DGKH: variants seen among roughly 807,000 people sequenced by gnomAD.
The protein encoded by DGKH is DAG kinase eta.
Under a neutral mutation model 159.3 loss-of-function variants are expected in DGKH, and 90 were observed. The ratio of observed to expected loss-of-function variants is 0.57; its 90% CI spans 0.48 to 0.67. The LOEUF is 0.67. Among genes scored for constraint, DGKH ranks in the 30% least tolerant of loss-of-function variants. The probability of loss-of-function intolerance (pLI) is 0.00; values close to 1 mark genes in which losing one functional copy is unlikely to be tolerated. For missense variants in DGKH, 1,181 were observed against 1,506.1 expected (o/e 0.78, Z 3.57); for synonymous variants, 536 against 553.8 (o/e 0.97, Z 0.45).
chr13:42,085,529 C>T (rs1276464692), intron 1 of DGKH, among the ~76,000 whole-genome samples: 1 of 149,936 alleles, frequency 6.7e-6, no homozygotes, highest in East Asian at 2.0e-4. Flanking sequence ...ATATGGCAGA[C>T]CTACACTGTG....
chr13:42,081,820 T>C (rs769088682), intron 1 of DGKH, among the ~76,000 whole-genome samples: 17 of 152,190 alleles, frequency 1.1e-4, no homozygotes, highest in Non-Finnish European at 1.8e-4. Context: ...CTGCTTCCTT[T>C]CCGTGAAGAA....
intron 7 of DGKH, among the ~76,000 whole-genome samples, chr13:42,163,806 G>A (rs988397615): frequency 9.2e-5 from 14 of 151,618 alleles, no homozygotes; most frequent in African/African-American, 3.4e-4. Context: ...CTCCCATTTT[G>A]TAGGTTGCCT....
intron 1 of DGKH, among the ~76,000 whole-genome samples, chr13:42,099,415 A>G (rs570087398): frequency 1.3e-5 from 2 of 152,044 alleles, no homozygotes; most frequent in African/African-American, 4.8e-5. Flanking sequence ...AAATTTCCGG[A>G]AAAATGTGGG....
chr13:42,124,930 C>G (rs767526945), intron 1 of DGKH, among the ~76,000 whole-genome samples: 3 of 152,130 alleles, frequency 2.0e-5, no homozygotes, highest in Non-Finnish European at 2.9e-5. Flanking sequence ...CTCACTGCTT[C>G]CTCTCAGGAG....
intron 29 of DGKH, among the ~76,000 whole-genome samples, chr13:42,226,268 A>G (rs1958130329): frequency 6.6e-6 from 1 of 152,210 alleles, no homozygotes; most frequent in Non-Finnish European, 1.5e-5. Context: ...ACTAGTCAGA[A>G]CGGCAATTGT....
intron 26 of DGKH, among the ~76,000 whole-genome samples, chr13:42,215,907 C>G (rs347404): frequency 0.018 from 2,786 of 152,302 alleles, 84 homozygotes; most frequent in African/African-American, 0.064. Context: ...TGTTTTTAGG[C>G]AGCCCTGCTC....
At chr13:42,174,267 T>TG in intron 12 of DGKH, 123 bp downstream of exon 12, 1 of 810,890 alleles carries the variant, frequency 1.2e-6, no homozygotes, top group South Asian at 1.8e-5. Context: ...ATTTTATTTT[T>TG]GGGGTATGGT....
At chr13:42,202,138 G>A (rs1957362067) in intron 20 of DGKH, among the ~76,000 whole-genome samples, 1 of 152,016 alleles carries the variant, frequency 6.6e-6, no homozygotes, top group Admixed American at 6.6e-5. Context: ...AAAATAAAAT[G>A]AGTAAAACAA....
rs76816455 is a variant in DGKH at position 42,223,769 on chromosome 13, A to AATAT, written c.3573+2386_3573+2389dup. Among the ~76,000 whole-genome samples, 84 of 151,068 alleles carry AATAT rather than the reference A, an allele frequency of 5.6e-4. No homozygotes were observed. In the South Asian group the frequency reaches 5.7e-3, roughly 10 times the overall value. The stretch of plus-strand genomic sequence containing the variant: ...GAGCAAGACTCTGTCTCCAAAAATG[A>AATAT]ATATATATATATATGGATACAAGTG... On this transcript the variant is annotated intron_variant, in intron 29 of 29. Coordinates refer to ENST00000337343, the MANE Select transcript of DGKH (RefSeq NM_178009.5).
intron 3 of DGKH, among the ~76,000 whole-genome samples, chr13:42,137,655 C>T (rs1955427805): frequency 6.6e-6 from 1 of 152,158 alleles, no homozygotes; most frequent in African/African-American, 2.4e-5. Flanking sequence ...TATGCTGCAT[C>T]ACCAGATGAA....
chr13:42,079,851 A>G (rs545712484), intron 1 of DGKH, among the ~76,000 whole-genome samples: 3 of 152,158 alleles, frequency 2.0e-5, no homozygotes, highest in Non-Finnish European at 4.4e-5. Context: ...CTTGTATTTC[A>G]TTGTTAAGTA....
At chr13:42,221,934 T>A (rs1188147115) in intron 29 of DGKH, among the ~76,000 whole-genome samples, 1 of 152,218 alleles carries the variant, frequency 6.6e-6, no homozygotes, top group Non-Finnish European at 1.5e-5. Context: ...AAATTTCCTT[T>A]CTATGACATA....
intron 1 of DGKH, among the ~76,000 whole-genome samples, chr13:42,057,068 A>G (rs982041259): frequency 6.6e-6 from 1 of 152,238 alleles, no homozygotes; most frequent in Non-Finnish European, 1.5e-5. Flanking sequence ...AACTTAACAA[A>G]AATTATTGAG....
At chr13:42,252,696 T>C (rs1594274618) in intron 30 of DGKH, among the ~76,000 whole-genome samples, 1 of 151,978 alleles carries the variant, frequency 6.6e-6, no homozygotes, top group East Asian at 1.9e-4. Context: ...TAAATTCCAC[T>C]GCGCAGAGAC....
intron 18 of DGKH, 48 bp from the exon 19 acceptor site, chr13:42,199,518 A>G (rs1320420031): frequency 1.6e-6 from 2 of 1,285,236 alleles, no homozygotes; most frequent in African/African-American, 1.5e-5. Context: ...TGTAATTGTT[A>G]TAATGAATCT....
chr13:42,129,616 C>G lies in DGKH; in HGVS notation c.368C>G (p.Ala123Gly). The part of the protein sequence containing the change: ...ASVAEASTKN[A>G]NNSFTIITPF... ...GTAGCTGAAGCAAGCACGAAAAATGCTAACAACAGCTTCACGGTATGGTTA... is the reference window on the plus strand; with the variant it reads ...GTAGCTGAAGCAAGCACGAAAAATGGTAACAACAGCTTCACGGTATGGTTA... The change falls in exon 3 of 30, where the codon GCT becomes GGT. Residue 123 changes from alanine to glycine, a missense_variant. Coordinates refer to ENST00000337343, the MANE Select transcript of DGKH (RefSeq NM_178009.5). 6.2e-7 allele frequency: 1 copy of G among 1,612,288 alleles called. No homozygotes were observed. The highest frequency in any genetic ancestry group is 1.1e-5 in the South Asian group (1 of 90,620).
intron 21 of DGKH, among the ~76,000 whole-genome samples, chr13:42,207,007 C>CTTTCTTTCTT: frequency 7.0e-6 from 1 of 142,216 alleles, no homozygotes; most frequent in Non-Finnish European, 1.5e-5. Context: ...TTCTTTCTTT[C>CTTTCTTTCTT]TTTCTTTCTT....
At chr13:42,048,639 G>C, upstream of DGKH, 6 of 1,120,970 alleles carry the variant, frequency 5.4e-6, no homozygotes. The surrounding 1 kb of genome is among the most constrained non-coding windows in gnomAD (Gnocchi z 6.7). Context: ...TACCTCGCGG[G>C]GGTAGCTAGG....
intron 29 of DGKH, among the ~76,000 whole-genome samples, chr13:42,227,438 A>G (rs1454527239): frequency 6.6e-6 from 1 of 152,234 alleles, no homozygotes; most frequent in African/African-American, 2.4e-5. Context: ...ATATTTAAAT[A>G]TATTTTGTAG....
Sources: gnomAD v4.1 joint callset for allele counts (sites outside exome capture counted in the v4.1 genomes callset) on GRCh38, gnomAD v4.1.1 for gene constraint, Gnocchi (gnomAD v3.1) non-coding constraint, MANE v1.5 for transcripts, NCBI Gene and HGNC (gene_info 2026-07-23, HGNC 2026-07-21) for gene names.